FAT4: variants seen among roughly 807,000 people sequenced by gnomAD.
FAT4 encodes FAT atypical cadherin 4.
In FAT4, 84 loss-of-function variants were observed where a neutral mutation model predicts 303.9. The observed-to-expected ratio is 0.28, with a 90% CI of 0.23 to 0.33. The LOEUF is 0.33. Ranked by LOEUF, FAT4 falls within the 10% of genes least tolerant of loss-of-function variation. FAT4 has a pLI of 1.00. For synonymous variants in FAT4, 2,307 were observed against 2,298.8 expected, an observed-to-expected ratio of 1.00 and a Z score of -0.10; for missense variants, 6,005 against 6,146.8, an observed-to-expected ratio of 0.98 and a Z score of 0.77.
intron 10 of FAT4, among the ~76,000 whole-genome samples, chr4:125,458,604 A>G (rs1384680377): frequency 6.6e-6 from 1 of 151,980 alleles, no homozygotes; most frequent in Non-Finnish European, 1.5e-5. Flanking sequence ...ACATTAGGTA[A>G]TACATTAACT....
At chr4:125,464,590 A>G (rs1371039743) in intron 11 of FAT4, among the ~76,000 whole-genome samples, 1 of 151,642 alleles carries the variant, frequency 6.6e-6, no homozygotes, top group Non-Finnish European at 1.5e-5. Context: ...ACATATGTAT[A>G]CATGTGCCAT....
At chr4:125,351,193 A>T (rs1046001305) in intron 2 of FAT4, among the ~76,000 whole-genome samples, 3 of 151,708 alleles carry the variant, frequency 2.0e-5, no homozygotes, top group African/African-American at 7.3e-5. Flanking sequence ...TGATCATATG[A>T]TTTTCTAATT....
At chr4:125,379,832 A>C (rs1038008852) in intron 2 of FAT4, among the ~76,000 whole-genome samples, 88 of 150,708 alleles carry the variant, frequency 5.8e-4, no homozygotes, top group African/African-American at 1.8e-3. Flanking sequence ...TAAAAAAAAA[A>C]ACACACACAT....
In FAT4 at chr4:125,468,723, C is replaced by T. The variant is rs1360093107; in HGVS notation, c.12117C>T (p.Phe4039=). ...ALEIAEERLR[F]SYNLGSGTYK... ...AAATTGCCGAAGAAAGACTAAGATT[C>T]TCTTATAATTTAGGCAGTGGTACAT... is the stretch of plus-strand genomic sequence containing the variant. Residue 4039 remains phenylalanine (F), a synonymous_variant, in exon 12 of 18, where the codon TTC becomes TTT. Transcript: ENST00000394329. The T allele has an allele frequency of 6.2e-7, 1 of 1,613,994 alleles. No individual in the cohort carries two copies. The highest frequency in any genetic ancestry group is 2.2e-5 in the East Asian group (1 of 44,892).
At chr4:125,340,517 G>T (rs933179211) in intron 2 of FAT4, among the ~76,000 whole-genome samples, 1 of 152,270 alleles carries the variant, frequency 6.6e-6, no homozygotes, top group African/African-American at 2.4e-5. Context: ...CTCTGGAGAA[G>T]CTGGGACTAC....
chr4:125,373,104 T>G (rs1184247847), intron 2 of FAT4, among the ~76,000 whole-genome samples: 3 of 152,136 alleles, frequency 2.0e-5, no homozygotes. Flanking sequence ...CAGTTATCAT[T>G]TAATGTGAAT....
Position 125,446,332 on chromosome 4 carries a change from C to A in FAT4, c.7239C>A (p.Asn2413Lys). 3 of 1,613,182 alleles carry A rather than the reference C, an allele frequency of 1.9e-6. No homozygotes were observed. Among genetic ancestry groups the A allele is most frequent in the Non-Finnish European group, 2.5e-6 (3 of 1,179,292 alleles). ...IIGGNSQFTI[N>K]PSTGQIITSA... The stretch of plus-strand genomic sequence containing the variant: ...GTGGAAACTCTCAGTTCACGATCAA[C>A]CCATCGACAGGACAAATCATCACCA... The change falls in exon 9 of 18, where the codon AAC (asparagine) becomes AAA (lysine). Residue 2413 changes from asparagine (N) to lysine (K), a missense_variant. Physicochemically the swap from Asn to Lys is moderately conservative, Grantham distance 94. Coordinates refer to ENST00000394329, the MANE Select transcript of FAT4 (RefSeq NM_001291303.3).
intron 2 of FAT4, among the ~76,000 whole-genome samples, chr4:125,326,893 T>C (rs2710536): frequency 0.74 from 112,998 of 151,904 alleles, 42,914 homozygotes; most frequent in African/African-American, 0.89. Context: ...GGCATGGTGG[T>C]GCACGCCTGT....
intron 8 of FAT4, among the ~76,000 whole-genome samples, chr4:125,437,391 G>A (rs922378835): frequency 5.9e-5 from 9 of 152,144 alleles, no homozygotes; most frequent in African/African-American, 1.9e-4. Context: ...GGAAATGCAG[G>A]ACAGAATGAA....
At position 125,492,031 on chromosome 4, in the gene FAT4, TC is replaced by T. The variant is rs1259501955; in HGVS notation, c.*264del. The T allele has an allele frequency of 7.5e-6, 3 of 400,056 alleles. No homozygotes were observed. In the East Asian group the frequency reaches 1.2e-4, roughly 17 times the overall value. The allele number at this position is 400,056 out of a possible 1,614,324, so 24.8% of individuals were successfully genotyped here. On this transcript the variant is annotated 3_prime_UTR_variant, in exon 18 of 18. Coordinates refer to ENST00000394329, the MANE Select transcript of FAT4 (RefSeq NM_001291303.3). The stretch of plus-strand genomic sequence containing the variant: ...TGGCATGCAGCATTTGGAAAATTTT[TC>T]TTATTTACCAGTGTTTGATTTGTGA...
intron 11 of FAT4, among the ~76,000 whole-genome samples, chr4:125,467,844 T>C (rs756349285): frequency 2.8e-4 from 43 of 152,224 alleles, no homozygotes; most frequent in Admixed American, 1.7e-3. Flanking sequence ...TGGCTGAAAA[T>C]TGTAGCATAA....
intron 2 of FAT4, among the ~76,000 whole-genome samples, chr4:125,352,774 G>T (rs17009509): frequency 0.059 from 8,941 of 151,778 alleles, 391 homozygotes; most frequent in South Asian, 0.16. Context: ...TTTCTGAAAT[G>T]AAACTAGGGC....
chr4:125,396,208 C>A (rs1216256102), intron 2 of FAT4, among the ~76,000 whole-genome samples: 1 of 151,878 alleles, frequency 6.6e-6, no homozygotes, highest in Non-Finnish European at 1.5e-5. Context: ...ACTCACCTAT[C>A]CAATGGGAGA....
chr4:125,444,038 G>T (rs1180911980), intron 8 of FAT4, among the ~76,000 whole-genome samples: 1 of 151,866 alleles, frequency 6.6e-6, no homozygotes, highest in Non-Finnish European at 1.5e-5. Context: ...ATGACTATTT[G>T]CTCATTCATT....
chr4:125,316,376 C>G lies in FAT4; in HGVS notation c.-12-24C>G, dbSNP rs939471227. The stretch of plus-strand genomic sequence containing the variant: ...ATCATTGCGTTTGCTTCACCCCTTC[C>G]TTCTCTTTATCACATCGTTTTAGGG... On this transcript the variant is annotated intron_variant, in intron 1 of 17. Coordinates refer to ENST00000394329, the MANE Select transcript of FAT4 (RefSeq NM_001291303.3). The surrounding 1 kb of genome is among the most constrained non-coding windows in gnomAD (Gnocchi z 5.7). 4 of 1,557,480 alleles carry G rather than the reference C, an allele frequency of 2.6e-6. No individual in the cohort carries two copies. The highest frequency in any genetic ancestry group is 1.7e-4 in the Middle Eastern group (1 of 5,768).
chr4:125,409,927 T>C (rs897867702), intron 5 of FAT4, among the ~76,000 whole-genome samples: 5 of 152,174 alleles, frequency 3.3e-5, no homozygotes, highest in Admixed American at 2.6e-4. Context: ...TAGGTCTCTA[T>C]TGACAGGCAT....
chr4:125,354,804 C>G (rs1287680055), intron 2 of FAT4, among the ~76,000 whole-genome samples: 1 of 147,380 alleles, frequency 6.8e-6, no homozygotes, highest in Non-Finnish European at 1.5e-5. Context: ...GAAAATAAAT[C>G]TAAAGTTTAG....
intron 8 of FAT4, among the ~76,000 whole-genome samples, chr4:125,438,089 T>C (rs1252507026): frequency 6.6e-6 from 1 of 152,210 alleles, no homozygotes; most frequent in Non-Finnish European, 1.5e-5. Context: ...TGTTATAATC[T>C]AATAATTCTT....
chr4:125,463,475 G>A, intron 10 of FAT4, 88 bp from the exon 11 acceptor site: 1 of 675,028 alleles, frequency 1.5e-6, no homozygotes, highest in Non-Finnish European at 2.3e-6. Flanking sequence ...ATATGCCTTA[G>A]GAAAGATTTT....
Sources: gnomAD v4.1 joint callset for allele counts (sites outside exome capture counted in the v4.1 genomes callset) on GRCh38, gnomAD v4.1.1 for gene constraint, Gnocchi (gnomAD v3.1) non-coding constraint, MANE v1.5 for transcripts, NCBI Gene and HGNC (gene_info 2026-07-23, HGNC 2026-07-21) for gene names.